Variants in OPCML observed in about 807,000 individuals in gnomAD.
OPCML encodes the protein opioid binding protein/cell adhesion molecule like.
OPCML carries 13 observed loss-of-function variants against 37.8 expected under a neutral mutation model. The observed-to-expected ratio is 0.34, with a 90% CI of 0.22 to 0.55. The LOEUF (loss-of-function observed/expected upper bound fraction) is 0.55. OPCML is among the 20% of genes least tolerant of loss of function. OPCML has a pLI of 0.91. For missense variants in OPCML, 341 were observed against 435.6 expected (o/e 0.78, Z 1.93); for synonymous variants, 176 against 168.8 (o/e 1.04, Z -0.33).
intron 1 of OPCML, among the ~76,000 whole-genome samples, chr11:133,402,508 A>T (rs1398369275): frequency 6.6e-6 from 1 of 152,208 alleles, no homozygotes; most frequent in Non-Finnish European, 1.5e-5. Flanking sequence ...CATATAGATG[A>T]TCAGGATGAT....
At chr11:132,888,993 G>GT (rs1474564314) in intron 2 of OPCML, among the ~76,000 whole-genome samples, 4 of 152,160 alleles carry the variant, frequency 2.6e-5, no homozygotes, top group African/African-American at 9.7e-5. Flanking sequence ...TCTGAGAGCA[G>GT]TGCCACAGTT....
At chr11:133,147,451 G>T (rs1007006565) in intron 1 of OPCML, among the ~76,000 whole-genome samples, 3 of 152,112 alleles carry the variant, frequency 2.0e-5, no homozygotes, top group African/African-American at 7.2e-5. Context: ...AGCCCTACCC[G>T]CTTCAAAACA....
rs545602723 is a variant in OPCML, at chr11:133,454,682, A to G, written c.61+77582T>C. Among the ~76,000 whole-genome samples the G allele has an allele frequency of 3.9e-5, 6 of 152,318 alleles. No individual in the cohort carries two copies. The South Asian group carries it at 1.2e-3, about 32-fold the overall frequency. ...GAGTCTAGAAAGGGGAAATAAGCAA[A>G]TTATTAGTATTCTGACTATAAATAT... On this transcript the variant is annotated intron_variant, in intron 1 of 7. Transcript: ENST00000524381.
intron 1 of OPCML, among the ~76,000 whole-genome samples, chr11:133,150,386 C>T (rs1022288184): frequency 6.6e-6 from 1 of 152,192 alleles, no homozygotes; most frequent in Non-Finnish European, 1.5e-5. Flanking sequence ...ATGAAATTTG[C>T]CTGAGTTGAT....
intron 1 of OPCML, among the ~76,000 whole-genome samples, chr11:133,358,492 T>C (rs1341704678): frequency 2.0e-5 from 3 of 152,238 alleles, no homozygotes; most frequent in African/African-American, 7.2e-5. Context: ...AGATGATTCA[T>C]TTATTCAACA....
intron 1 of OPCML, among the ~76,000 whole-genome samples, chr11:133,359,262 C>T (rs894708257): frequency 6.6e-5 from 10 of 152,124 alleles, no homozygotes; most frequent in African/African-American, 2.2e-4. Flanking sequence ...ATTCTCCAGC[C>T]GTACTCATCA....
chr11:132,811,715 G>T (rs1459484905), intron 2 of OPCML, among the ~76,000 whole-genome samples: 1 of 152,078 alleles, frequency 6.6e-6, no homozygotes, highest in African/African-American at 2.4e-5. Context: ...AACCCCACAG[G>T]AAATTAATAA....
intron 2 of OPCML, among the ~76,000 whole-genome samples, chr11:132,878,339 A>G (rs1243388593): frequency 6.6e-6 from 1 of 152,220 alleles, no homozygotes; most frequent in Non-Finnish European, 1.5e-5. Context: ...CTTTTGAATC[A>G]GTAGATTTAG....
At chr11:133,226,878 A>T (rs1940062743) in intron 1 of OPCML, among the ~76,000 whole-genome samples, 1 of 152,318 alleles carries the variant, frequency 6.6e-6, no homozygotes, top group South Asian at 2.1e-4. Context: ...GCACCCTGAG[A>T]GAGAGTCCCT....
chr11:133,113,598 A>T (rs1402067410), intron 1 of OPCML, among the ~76,000 whole-genome samples: 2 of 152,248 alleles, frequency 1.3e-5, no homozygotes, highest in Admixed American at 1.3e-4. Flanking sequence ...TTCAGAAAGA[A>T]AGCAAGGAAC....
Position 132,657,116 on chromosome 11 carries a change from T to C in OPCML, c.350A>G (p.Lys117Arg), listed in dbSNP as rs924880960. 6.2e-7 allele frequency: 1 copy of C among 1,614,192 alleles called. No individual in the cohort carries two copies. The highest frequency in any genetic ancestry group is 8.5e-7 in the Non-Finnish European group (1 of 1,180,040). ...CACTATTAGGTGAACCCGGGACGTT[T>C]TGGGATGATTGTCTGTCTGCACAGA... ...TCSVQTDNHP[K>R]TSRVHLIVQV... The change falls in exon 3 of 8, where the codon AAA becomes AGA. Residue 117 changes from lysine to arginine, a missense_variant. Lys to Arg is a conservative substitution (Grantham distance 26). Transcript: ENST00000524381.
chr11:132,962,644 G>T (rs1297008292), intron 1 of OPCML, among the ~76,000 whole-genome samples: 3 of 152,196 alleles, frequency 2.0e-5, no homozygotes, highest in Non-Finnish European at 4.4e-5. Flanking sequence ...ACAAGTCTGT[G>T]TTTAAAACCA....
At chr11:133,335,448 C>G (rs1943723851) in intron 1 of OPCML, among the ~76,000 whole-genome samples, 1 of 152,104 alleles carries the variant, frequency 6.6e-6, no homozygotes, top group Admixed American at 6.5e-5. Flanking sequence ...GACTGCGTCA[C>G]CCCTGGAGGC....
intron 3 of OPCML, among the ~76,000 whole-genome samples, chr11:132,627,563 C>T (rs1939824237): frequency 8.6e-6 from 1 of 116,242 alleles, no homozygotes; most frequent in African/African-American, 3.8e-5. Flanking sequence ...TCTAACAAAA[C>T]ATCATGAATT....
intron 1 of OPCML, among the ~76,000 whole-genome samples, chr11:133,152,530 C>T (rs1950001051): frequency 6.6e-6 from 1 of 151,596 alleles, no homozygotes. Flanking sequence ...TAATCCTCTC[C>T]ACTCCCACCT....
At chr11:132,856,816 G>A (rs547582524) in intron 2 of OPCML, among the ~76,000 whole-genome samples, 39 of 152,274 alleles carry the variant, frequency 2.6e-4, no homozygotes, top group Middle Eastern at 3.4e-3. Context: ...ACACAAATCC[G>A]GAAGCATGCC....
At chr11:132,474,857 C>A (rs1417241290) in intron 4 of OPCML, among the ~76,000 whole-genome samples, 5 of 152,196 alleles carry the variant, frequency 3.3e-5, no homozygotes, top group Admixed American at 2.0e-4. Context: ...AACGCCTAGT[C>A]ATACCTGGCA....
intron 3 of OPCML, among the ~76,000 whole-genome samples, chr11:132,605,268 G>A (rs1204457422): frequency 6.6e-6 from 1 of 152,020 alleles, no homozygotes; most frequent in African/African-American, 2.4e-5. Flanking sequence ...TTTTAAGAAT[G>A]ACACCACAGC....
Position 132,690,369 on chromosome 11 carries a change from T to C in OPCML, c.147-33050A>G, listed in dbSNP as rs76315341. Among the ~76,000 whole-genome samples, 176 of 152,292 alleles carry C rather than the reference T, an allele frequency of 1.2e-3. 3 individuals carry two copies. In the East Asian group the frequency reaches 0.03, roughly 26 times the overall value. The stretch of plus-strand genomic sequence containing the variant: ...TGGGGCCAGAGTTAGAAAGTACATC[T>C]CTAACAAGATTAGATAATGCTTATG... On this transcript the variant is annotated intron_variant, in intron 2 of 7. Transcript: ENST00000524381.
Sources: allele counts gnomAD v4.1 joint callset (sites outside exome capture counted in the v4.1 genomes callset), GRCh38; gene constraint gnomAD v4.1.1; transcripts MANE v1.5; gene names NCBI Gene and HGNC (gene_info 2026-07-23, HGNC 2026-07-21).